CTNNA2: variants seen among roughly 807,000 people sequenced by gnomAD.
The protein encoded by CTNNA2 is catenin alpha-2.
CTNNA2 carries 42 observed loss-of-function variants against 101.0 expected under a neutral mutation model. The ratio of observed to expected loss-of-function variants is 0.42; its 90% CI spans 0.32 to 0.54. CTNNA2 has a LOEUF of 0.54. CTNNA2 is among the 20% of genes least tolerant of loss of function. CTNNA2 has a pLI of 0.14. For missense variants in CTNNA2, 871 were observed against 1,223.1 expected (o/e 0.71, Z 4.29); for synonymous variants, 450 against 456.4 (o/e 0.99, Z 0.18).
intron 7 of CTNNA2, among the ~76,000 whole-genome samples, chr2:80,019,858 A>T (rs1694429174): frequency 6.6e-6 from 1 of 152,198 alleles, no homozygotes; most frequent in South Asian, 2.1e-4. Context: ...AATTGGATTT[A>T]AACACAGGGA....
chr2:80,337,292 T>C (rs907769997), intron 7 of CTNNA2, among the ~76,000 whole-genome samples: 4 of 151,894 alleles, frequency 2.6e-5, no homozygotes, highest in African/African-American at 9.7e-5. Flanking sequence ...GAGGCTGAGG[T>C]TGCAGTGAGC....
chr2:80,205,834 A>G (rs920516148), intron 7 of CTNNA2, among the ~76,000 whole-genome samples: 3 of 152,176 alleles, frequency 2.0e-5, no homozygotes, highest in Non-Finnish European at 4.4e-5. Context: ...TTTCTTTGTA[A>G]TCCAAGAAAA....
intron 12 of CTNNA2, among the ~76,000 whole-genome samples, chr2:80,571,352 T>C (rs796488619): frequency 1.8e-4 from 28 of 152,292 alleles, no homozygotes; most frequent in African/African-American, 6.0e-4. Context: ...TTGTGGGCCA[T>C]GTGATAGAAC....
intron 7 of CTNNA2, among the ~76,000 whole-genome samples, chr2:80,208,774 A>G (rs1439775606): frequency 6.6e-6 from 1 of 152,216 alleles, no homozygotes; most frequent in Non-Finnish European, 1.5e-5. Flanking sequence ...ATTTTCACCC[A>G]TGAATCATCC....
intron 7 of CTNNA2, among the ~76,000 whole-genome samples, chr2:80,196,413 C>T (rs937770374): frequency 3.9e-5 from 6 of 152,150 alleles, no homozygotes; most frequent in Non-Finnish European, 7.4e-5. Flanking sequence ...TAACTTTCAG[C>T]GTCCATGTCC....
At chr2:80,591,106 G>GAGA (rs1307286651) in intron 15 of CTNNA2, among the ~76,000 whole-genome samples, 2 of 152,062 alleles carry the variant, frequency 1.3e-5, no homozygotes, top group Non-Finnish European at 2.9e-5. Flanking sequence ...TAATTCTCTA[G>GAGA]ATTATATAAC....
At chr2:79,521,449 T>C (rs1672117593) in intron 1 of CTNNA2, among the ~76,000 whole-genome samples, 1 of 151,956 alleles carries the variant, frequency 6.6e-6, no homozygotes, top group African/African-American at 2.4e-5. Flanking sequence ...CAGACTTCTC[T>C]CTTATGTCAC....
At chr2:80,166,051 T>C (rs1179473541) in intron 7 of CTNNA2, among the ~76,000 whole-genome samples, 1 of 152,176 alleles carries the variant, frequency 6.6e-6, no homozygotes, top group Non-Finnish European at 1.5e-5. Context: ...GAAAGCAGCT[T>C]TGATGTCATG....
intron 2 of CTNNA2, among the ~76,000 whole-genome samples, chr2:79,664,092 C>T (rs1312787397): frequency 6.6e-6 from 1 of 152,196 alleles, no homozygotes; most frequent in East Asian, 1.9e-4. Flanking sequence ...TCAGCGACCT[C>T]ACTAAGCAAT....
chr2:79,257,674 A>G (rs941824189), intron 2 of CTNNA2, among the ~76,000 whole-genome samples: 2 of 152,140 alleles, frequency 1.3e-5, no homozygotes. Flanking sequence ...GAAGATTAAA[A>G]GAACAAGTAA....
chr2:80,123,741 A>G (rs1490895329), intron 7 of CTNNA2, among the ~76,000 whole-genome samples: 1 of 152,194 alleles, frequency 6.6e-6, no homozygotes, highest in Non-Finnish European at 1.5e-5. Context: ...AGCACTTGTG[A>G]AATAACCACC....
intron 2 of CTNNA2, among the ~76,000 whole-genome samples, chr2:79,246,718 G>A (rs1013910892): frequency 1.3e-5 from 2 of 152,236 alleles, no homozygotes; most frequent in Non-Finnish European, 2.9e-5. Context: ...CCCACACTAA[G>A]TGTGATGATG....
At chr2:80,237,837 G>C (rs1709625130) in intron 7 of CTNNA2, among the ~76,000 whole-genome samples, 1 of 152,150 alleles carries the variant, frequency 6.6e-6, no homozygotes, top group Non-Finnish European at 1.5e-5. Context: ...CCTGGGCAAA[G>C]TGGTGGTGGG....
intron 12 of CTNNA2, among the ~76,000 whole-genome samples, chr2:80,560,069 A>AAAG (rs1553387764): frequency 0.046 from 6,484 of 141,064 alleles, 232 homozygotes; most frequent in African/African-American, 0.067. Flanking sequence ...AAAAAAAAAA[A>AAAG]AAAGAAAAAA....
intron 3 of CTNNA2, among the ~76,000 whole-genome samples, chr2:79,769,046 G>C (rs1170596574): frequency 2.0e-5 from 3 of 152,080 alleles, no homozygotes; most frequent in African/African-American, 7.2e-5. Flanking sequence ...TAGTAGAGAA[G>C]AGGTTTCATC....
chr2:79,696,104 G>T (rs973996976), intron 2 of CTNNA2, among the ~76,000 whole-genome samples: 2 of 151,964 alleles, frequency 1.3e-5, no homozygotes, highest in African/African-American at 4.8e-5. Flanking sequence ...GGGAATGGAA[G>T]TGGGTAGGCA....
chr2:80,391,633 A>C, intron 7 of CTNNA2, among the ~76,000 whole-genome samples: 1 of 152,232 alleles, frequency 6.6e-6, no homozygotes, highest in South Asian at 2.1e-4. Context: ...ACAGAAAAGG[A>C]ATAGCCTTTG....
intron 2 of CTNNA2, among the ~76,000 whole-genome samples, chr2:79,703,706 A>G (rs972032763): frequency 6.6e-6 from 1 of 152,166 alleles, no homozygotes; most frequent in Non-Finnish European, 1.5e-5. Flanking sequence ...AATGTTGGCT[A>G]AGCTTTTAAT....
chr2:80,097,425 G>T (rs1356474013), intron 7 of CTNNA2, among the ~76,000 whole-genome samples: 1 of 152,126 alleles, frequency 6.6e-6, no homozygotes, highest in African/African-American at 2.4e-5. Context: ...CTTTCTCTCT[G>T]GCTGCCCTTA....
Sources: gnomAD v4.1 joint callset for allele counts (sites outside exome capture counted in the v4.1 genomes callset) on GRCh38, gnomAD v4.1.1 for gene constraint, MANE v1.5 for transcripts, NCBI Gene and HGNC (gene_info 2026-07-23, HGNC 2026-07-21) for gene names.